The following DDX19A variants were observed in gnomAD, a reference collection of about 807,000 sequenced individuals.
The protein encoded by DDX19A is DEAD-box helicase 19A, also known as ATP-dependent RNA helicase DDX19A.
In DDX19A, 12 loss-of-function variants were observed where a neutral mutation model predicts 60.6. The ratio of observed to expected loss-of-function variants is 0.20; its 90% CI spans 0.13 to 0.32. DDX19A has a LOEUF of 0.32. Among genes scored for constraint, DDX19A ranks in the 10% least tolerant of loss-of-function variants. DDX19A has a pLI of 1.00. For missense variants in DDX19A, 337 were observed against 600.6 expected, an observed-to-expected ratio of 0.56 and a Z score of 4.59; for synonymous variants, 206 against 218.2, an observed-to-expected ratio of 0.94 and a Z score of 0.49.
Position 70,371,363 on chromosome 16 carries a change from T to A in DDX19A, c.1184-9T>A. 6.2e-7 allele frequency: 1 copy of A among 1,614,020 alleles called. No individual in the cohort carries two copies. The highest frequency in any genetic ancestry group is 8.5e-7 in the Non-Finnish European group (1 of 1,179,972). On this transcript the variant is annotated splice_polypyrimidine_tract_variant and intron_variant, in intron 10 of 11. Coordinates refer to ENST00000302243, the MANE Select transcript of DDX19A (RefSeq NM_018332.5). ...TAGTCCTCTCAGCCTCCAACTCTCC[T>A]TCCTGCAGGCATTGATGTTGAACAA...
At chr16:70,355,193 G>C (rs1004558952) in intron 2 of DDX19A, among the ~76,000 whole-genome samples, 2 of 151,890 alleles carry the variant, frequency 1.3e-5, no homozygotes, top group African/African-American at 2.4e-5. Flanking sequence ...CCTGGCCAAC[G>C]TGGTGAAACC....
chr16:70,353,607 A>G (rs1482364923), intron 2 of DDX19A, among the ~76,000 whole-genome samples: 1 of 151,744 alleles, frequency 6.6e-6, no homozygotes, highest in South Asian at 2.1e-4. Flanking sequence ...GCTGATGGAA[A>G]TATTAATTGG....
chr16:70,371,191 C>G, intron 10 of DDX19A, 181 bp from the exon 11 acceptor site: 2 of 1,082,768 alleles, frequency 1.8e-6, no homozygotes, highest in Non-Finnish European at 2.6e-6. Flanking sequence ...CCAAAGTTCT[C>G]TTCTTTTCCT....
At chr16:70,362,012 TC>T (rs113342009) in intron 5 of DDX19A, among the ~76,000 whole-genome samples, 433 of 135,082 alleles carry the variant, frequency 3.2e-3, no homozygotes, top group Admixed American at 4.7e-3. Context: ...CTTACTAAAA[TC>T]AAAAAAAAAA....
Position 70,366,621 on chromosome 16 carries a change from C to T in DDX19A, c.783-3C>T. ...GGCCATCTACCCGGGCCTTCCCTTG[C>T]AGGATGCTGCCCAGGAACTGCCAGA... On this transcript the variant is annotated splice_region_variant and splice_polypyrimidine_tract_variant and intron_variant, in intron 8 of 11. Transcript: ENST00000302243. The T allele has an allele frequency of 6.2e-7, 1 of 1,614,184 alleles. No homozygotes were observed. The highest frequency in any genetic ancestry group is 8.5e-7 in the Non-Finnish European group (1 of 1,180,016).
At position 70,357,278 on chromosome 16, in the gene DDX19A, T is replaced by A. The variant is rs1204796326; in HGVS notation, c.293+1031T>A. On this transcript the variant is annotated intron_variant, in intron 4 of 11. Coordinates refer to ENST00000302243, the MANE Select transcript of DDX19A (RefSeq NM_018332.5). Reference sequence around the variant, plus strand: ...TCTCTCAAAAAAAAAAAAATATATATATATATATATGTATATTTAGACTAT... The same window carrying A: ...TCTCTCAAAAAAAAAAAAATATATAAATATATATATGTATATTTAGACTAT... 4.0e-3 allele frequency among the ~76,000 whole-genome samples: 567 copies of A among 140,756 alleles called. 23 individuals carry two copies. Among genetic ancestry groups the A allele is most frequent in the African/African-American group, 0.014 (536 of 38,198 alleles). The allele number at this position is 140,756 out of a possible 152,430, so 92.3% of individuals were successfully genotyped here.
chr16:70,355,809 A>C, intron 3 of DDX19A: 1 of 572,384 alleles, frequency 1.7e-6, no homozygotes, highest in East Asian at 2.9e-5. Context: ...AAAAGATTTC[A>C]AAATGAGCTG....
rs113552631 is a variant in DDX19A at position 70,358,476 on chromosome 16, C to CT, written c.293+2246dup. On this transcript the variant is annotated intron_variant, in intron 4 of 11. Transcript: ENST00000302243. ...TGAGCCACTGCACCTGGCCCAATAA[C>CT]TTTTTTTTTTTTTTTTTAATAGGAT... Among the ~76,000 whole-genome samples, 311 of 140,842 alleles carry CT rather than the reference C, an allele frequency of 2.2e-3. 1 individual carries two copies. Among genetic ancestry groups the CT allele is most frequent in the South Asian group, 5.3e-3 (23 of 4,376 alleles). 92.4% of individuals were successfully genotyped at this position (140,842 alleles called of 152,430 possible).
chr16:70,348,486 C>A (rs775081595), intron 1 of DDX19A, among the ~76,000 whole-genome samples: 4 of 151,796 alleles, frequency 2.6e-5, no homozygotes, highest in Non-Finnish European at 4.4e-5. Context: ...GTTAGCCAGG[C>A]GTGGTAGTCG....
intron 7 of DDX19A, chr16:70,365,417 C>T (rs1004245383): frequency 8.8e-6 from 2 of 227,398 alleles, no homozygotes; most frequent in African/African-American, 4.6e-5. Context: ...ATTTAGCGTC[C>T]AGAGTTCTGG....
At chr16:70,355,248 G>C (rs565128459) in intron 2 of DDX19A, among the ~76,000 whole-genome samples, 1 of 152,080 alleles carries the variant, frequency 6.6e-6, no homozygotes, top group Non-Finnish European at 1.5e-5. Context: ...ATGGTGGTGC[G>C]TGCCTAATCC....
In DDX19A at chr16:70,346,942, G is replaced by C. The variant is rs568894745; in HGVS notation, c.-50G>C. 17 of 1,574,432 alleles carry C rather than the reference G, an allele frequency of 1.1e-5. No individual in the cohort carries two copies. The East Asian group carries it at 3.9e-4, about 36-fold the overall frequency. On this transcript the variant is annotated 5_prime_UTR_variant, in exon 1 of 12. Coordinates refer to ENST00000302243, the MANE Select transcript of DDX19A (RefSeq NM_018332.5). ...GTGGCGAGGTTAGGGCCCGCGTTGC[G>C]ACGTGGTGCAGCGCATATTTTCACA... is the stretch of plus-strand genomic sequence containing the variant.
chr16:70,371,275 C>G, intron 10 of DDX19A, 97 bp from the exon 11 acceptor site: 2 of 1,607,976 alleles, frequency 1.2e-6, no homozygotes, highest in East Asian at 2.2e-5. Flanking sequence ...TTCTTTCCCT[C>G]TATCCCAAAG....
chr16:70,352,837 C>T (rs894898079), intron 2 of DDX19A, among the ~76,000 whole-genome samples: 5 of 151,244 alleles, frequency 3.3e-5, no homozygotes, highest in African/African-American at 1.2e-4. Context: ...GGGGTTTCTC[C>T]ATCTTGGTCA....
chr16:70,370,444 AG>A, intron 10 of DDX19A, 59 bp downstream of exon 10: 1 of 1,577,348 alleles, frequency 6.3e-7, no homozygotes. Context: ...GCCCAATTAG[AG>A]CCAGAAATCC....
intron 6 of DDX19A, 138 bp from the exon 7 acceptor site, chr16:70,364,879 A>G (rs146742531): frequency 1.2e-4 from 89 of 732,682 alleles, no homozygotes; most frequent in Middle Eastern, 2.9e-4. Flanking sequence ...GCTTCAGTCT[A>G]TGGCTGAAAG....
chr16:70,347,059 C>A lies in DDX19A; in HGVS notation c.57+11C>A. 6.2e-7 allele frequency: 1 copy of A among 1,609,646 alleles called. No homozygotes were observed. Among genetic ancestry groups the A allele is most frequent in the Non-Finnish European group, 8.5e-7 (1 of 1,178,776 alleles). On this transcript the variant is annotated intron_variant, in intron 1 of 11. Coordinates refer to ENST00000302243, the MANE Select transcript of DDX19A (RefSeq NM_018332.5). ...GCGGCTGTCAAGTCGGTCAGTAGCTCAGCTCCTGGCGAGGAGGACGTAGCA... is the reference window on the plus strand; with the variant it reads ...GCGGCTGTCAAGTCGGTCAGTAGCTAAGCTCCTGGCGAGGAGGACGTAGCA...
chr16:70,368,948 C>G (rs187639773), intron 9 of DDX19A, among the ~76,000 whole-genome samples: 15 of 152,124 alleles, frequency 9.9e-5, no homozygotes, highest in African/African-American at 3.6e-4. Flanking sequence ...TTCACCACAA[C>G]CTCTGCCTCC....
rs745696286 is a variant in DDX19A, at chr16:70,370,337, C to G, written c.1135C>G (p.Arg379Gly). ...EQRAAVIERF[R>G]EGKEKVLVTT... ...GAGGGCTGCGGTGATTGAGCGCTTC[C>G]GAGAGGGCAAAGAGAAGGTTTTGGT... The change falls in exon 10 of 12, where the codon CGA becomes GGA. Residue 379 changes from arginine (R) to glycine (G), a missense_variant. Transcript: ENST00000302243. 20 of 1,613,758 alleles carry G rather than the reference C, an allele frequency of 1.2e-5. No homozygotes were observed. The South Asian group carries it at 1.4e-4, about 12-fold the overall frequency.
Sources: allele counts gnomAD v4.1 joint callset (sites outside exome capture counted in the v4.1 genomes callset), GRCh38; gene constraint gnomAD v4.1.1; transcripts MANE v1.5; gene names NCBI Gene and HGNC (gene_info 2026-07-23, HGNC 2026-07-21).